SMYD3: variants seen among roughly 807,000 people sequenced by gnomAD.
SMYD3 encodes SET and MYND domain containing 3, also known as histone-lysine N-methyltransferase SMYD3.
SMYD3 carries 36 observed loss-of-function variants against 57.7 expected under a neutral mutation model. That is an observed-to-expected ratio of 0.62 (90% CI 0.48 to 0.82). SMYD3 has a LOEUF of 0.82. Among genes scored for constraint, SMYD3 ranks in the 40% least tolerant of loss-of-function variants. The pLI, the probability that SMYD3 is intolerant of heterozygous loss-of-function variation, is 0.00. For missense variants in SMYD3, 515 were observed against 538.8 expected, an observed-to-expected ratio of 0.96 and a Z score of 0.44; for synonymous variants, 211 against 195.0, an observed-to-expected ratio of 1.08 and a Z score of -0.68.
intron 1 of SMYD3, among the ~76,000 whole-genome samples, chr1:246,470,915 G>A (rs2067953402): frequency 6.6e-6 from 1 of 152,032 alleles, no homozygotes. Context: ...ACACTAAAGT[G>A]GTAAGGAAAG....
At chr1:245,782,130 A>G (rs943751123) in intron 10 of SMYD3, among the ~76,000 whole-genome samples, 4 of 152,156 alleles carry the variant, frequency 2.6e-5, no homozygotes, top group Non-Finnish European at 4.4e-5. Context: ...CCAAATATGT[A>G]TCACTCCTTC....
intron 5 of SMYD3, among the ~76,000 whole-genome samples, chr1:246,019,632 T>G (rs1294827553): frequency 1.3e-5 from 2 of 152,208 alleles, no homozygotes. Context: ...AAATCTGTGT[T>G]TGTCATGTGG....
chr1:246,442,888 G>T (rs2067491329), intron 1 of SMYD3, among the ~76,000 whole-genome samples: 2 of 152,136 alleles, frequency 1.3e-5, no homozygotes, highest in African/African-American at 4.8e-5. Flanking sequence ...AGGACGGTTA[G>T]TTCTTCCACA....
intron 5 of SMYD3, among the ~76,000 whole-genome samples, chr1:246,162,141 T>C (rs1323464843): frequency 2.6e-5 from 4 of 152,124 alleles, no homozygotes; most frequent in African/African-American, 9.7e-5. Flanking sequence ...GTGGGAGCAA[T>C]GTATCTAAAG....
intron 10 of SMYD3, among the ~76,000 whole-genome samples, chr1:245,800,033 C>T (rs747608976): frequency 2.6e-5 from 4 of 152,330 alleles, no homozygotes; most frequent in Non-Finnish European, 2.9e-5. Context: ...GCTGTGCAGC[C>T]GTGGGCCTAA....
intron 5 of SMYD3, among the ~76,000 whole-genome samples, chr1:246,241,819 G>T (rs1251842134): frequency 6.6e-6 from 1 of 152,056 alleles, no homozygotes; most frequent in Non-Finnish European, 1.5e-5. Context: ...GTTTAGTCTT[G>T]GGAGAGTGTA....
At chr1:246,301,541 G>A (rs767624160) in intron 5 of SMYD3, among the ~76,000 whole-genome samples, 7 of 152,158 alleles carry the variant, frequency 4.6e-5, no homozygotes, top group African/African-American at 1.2e-4. Context: ...GAAGTAATGA[G>A]AATATGTTTT....
chr1:246,471,667 C>T (rs1440063439), intron 1 of SMYD3, among the ~76,000 whole-genome samples: 3 of 152,256 alleles, frequency 2.0e-5, no homozygotes, highest in South Asian at 2.1e-4. Context: ...CAATTATGCA[C>T]TGGCGCTCTG....
At chr1:246,179,586 G>C (rs1263034231) in intron 5 of SMYD3, among the ~76,000 whole-genome samples, 1 of 152,136 alleles carries the variant, frequency 6.6e-6, no homozygotes, top group African/African-American at 2.4e-5. Flanking sequence ...CCTTTTAGTA[G>C]ATTTAATCCC....
chr1:246,180,662 C>T (rs547992529), intron 5 of SMYD3, among the ~76,000 whole-genome samples: 47 of 145,802 alleles, frequency 3.2e-4, no homozygotes, highest in South Asian at 1.8e-3. Flanking sequence ...GAGAGGCTAA[C>T]GCAGGAGAAC....
At chr1:246,090,172 C>T (rs182157526) in intron 5 of SMYD3, among the ~76,000 whole-genome samples, 33 of 152,138 alleles carry the variant, frequency 2.2e-4, no homozygotes, top group Admixed American at 3.9e-4. Flanking sequence ...TATTAAAATA[C>T]TAGAGTACAA....
chr1:246,291,812 G>C (rs1299578365), intron 5 of SMYD3, among the ~76,000 whole-genome samples: 1 of 152,158 alleles, frequency 6.6e-6, no homozygotes, highest in African/African-American at 2.4e-5. Flanking sequence ...ATATGAATTT[G>C]ACGATCACAC....
chr1:246,273,135 C>CTTTTTTTTTTTTTTTTTTTTTTTTTTTTT (rs71299006), intron 5 of SMYD3, among the ~76,000 whole-genome samples: 2 of 107,608 alleles, frequency 1.9e-5, no homozygotes, highest in Non-Finnish European at 1.8e-5. Context: ...TCCCTGTTTT[C>CTTTTTTTTTTTTTTTTTTTTTTTTTTTTT]TTTTTTTTTT....
chr1:245,786,487 T>C (rs2047054035), intron 10 of SMYD3, among the ~76,000 whole-genome samples: 1 of 152,136 alleles, frequency 6.6e-6, no homozygotes, highest in African/African-American at 2.4e-5. Flanking sequence ...AGATCGGAAC[T>C]CAGCCTGTGC....
chr1:246,441,761 G>T (rs1435018205), intron 1 of SMYD3, among the ~76,000 whole-genome samples: 1 of 152,144 alleles, frequency 6.6e-6, no homozygotes, highest in African/African-American at 2.4e-5. Flanking sequence ...ACAGGCACAT[G>T]CCAGCATGTC....
intron 10 of SMYD3, among the ~76,000 whole-genome samples, chr1:245,816,372 T>C (rs1033885241): frequency 1.3e-5 from 2 of 152,042 alleles, no homozygotes; most frequent in Non-Finnish European, 2.9e-5. Context: ...TTTGCTAGAA[T>C]GGAGCTTGGC....
At chr1:245,856,022 G>T (rs961174167) in intron 10 of SMYD3, among the ~76,000 whole-genome samples, 26 of 152,378 alleles carry the variant, frequency 1.7e-4, no homozygotes, top group Non-Finnish European at 3.4e-4. Context: ...GCAGGGAGCC[G>T]ATGCGGGGGG....
intron 5 of SMYD3, among the ~76,000 whole-genome samples, chr1:246,034,299 A>G (rs1321817618): frequency 6.6e-6 from 1 of 152,110 alleles, no homozygotes; most frequent in Non-Finnish European, 1.5e-5. Context: ...GTATTATTTC[A>G]CGCTAAATAA....
At chr1:246,148,041 C>G (rs1259792786) in intron 5 of SMYD3, among the ~76,000 whole-genome samples, 5 of 149,702 alleles carry the variant, frequency 3.3e-5, no homozygotes, top group African/African-American at 1.3e-4. Context: ...CAGAGAGATT[C>G]CTGGGTGGAA....
Sources: allele counts gnomAD v4.1 joint callset (sites outside exome capture counted in the v4.1 genomes callset), GRCh38; gene constraint gnomAD v4.1.1; transcripts MANE v1.5; gene names NCBI Gene and HGNC (gene_info 2026-07-23, HGNC 2026-07-21).